RPS6KC1: variants seen among roughly 807,000 people sequenced by gnomAD.
RPS6KC1 encodes the protein ribosomal protein S6 kinase C1.
Under a neutral mutation model 103.8 loss-of-function variants are expected in RPS6KC1, and 54 were observed. The ratio of observed to expected loss-of-function variants is 0.52; its 90% CI spans 0.42 to 0.65. The LOEUF (loss-of-function observed/expected upper bound fraction) is 0.65, where lower values mean the gene tolerates loss of function less well. Ranked by LOEUF, RPS6KC1 falls within the 30% of genes least tolerant of loss-of-function variation. The pLI is 0.00. For missense variants in RPS6KC1, 1,151 were observed against 1,253.8 expected (o/e 0.92, Z 1.24); for synonymous variants, 439 against 438.7 (o/e 1.00, Z -0.01).
chr1:213,791,652 A>C, the RPS6KC1 span, among the ~76,000 whole-genome samples: 1 of 152,158 alleles, frequency 6.6e-6, no homozygotes, highest in Non-Finnish European at 1.5e-5. Context: ...CTGGAAATGA[A>C]ATTATTACTG....
chr1:213,209,993 C>T (rs73093616), intron 8 of RPS6KC1, among the ~76,000 whole-genome samples: 1,777 of 152,118 alleles, frequency 0.012, 37 homozygotes, highest in African/African-American at 0.041. Flanking sequence ...GTGCAGTGAG[C>T]GGTGAGGACG....
At position 213,272,633 on chromosome 1, in the gene RPS6KC1, G is replaced by T; in HGVS notation, c.3200G>T (p.Ter1067LeuextTer2). 6.2e-7 allele frequency: 1 copy of T among 1,600,874 alleles called. No homozygotes were observed. The highest frequency in any genetic ancestry group is 1.1e-5 in the South Asian group (1 of 90,754). Residue 1067 changes from the stop codon to leucine (L), a stop_lost, in exon 15 of 15, where the codon TGA (stop) becomes TTA (leucine). Coordinates refer to ENST00000366960, the MANE Select transcript of RPS6KC1 (RefSeq NM_012424.6). Reference protein sequence around the residue: ...TPVDWAELMR* With the variant: ...TPVDWAELMRL Reference sequence around the variant, plus strand: ...GTGGATTGGGCAGAACTGATGAGATGAACGTAATGCAGGGTTATCTTCACA... The same window carrying T: ...GTGGATTGGGCAGAACTGATGAGATTAACGTAATGCAGGGTTATCTTCACA...
the RPS6KC1 span, among the ~76,000 whole-genome samples, chr1:213,609,568 A>G: frequency 6.6e-6 from 1 of 151,966 alleles, no homozygotes; most frequent in African/African-American, 2.4e-5. Context: ...ATCCCCGGAA[A>G]TGGTTTAACA....
chr1:213,389,066 A>G, the RPS6KC1 span, among the ~76,000 whole-genome samples: 1 of 151,620 alleles, frequency 6.6e-6, no homozygotes, highest in Non-Finnish European at 1.5e-5. Context: ...TGGCTGGTGC[A>G]TGCCAAAGCT....
chr1:213,338,831 C>T, the RPS6KC1 span, among the ~76,000 whole-genome samples: 6 of 147,102 alleles, frequency 4.1e-5, no homozygotes, highest in South Asian at 2.1e-4. Context: ...CTTTGATCTT[C>T]GGGGCTCAAG....
At chr1:213,754,548 A>G in the RPS6KC1 span, among the ~76,000 whole-genome samples, 1 of 152,274 alleles carries the variant, frequency 6.6e-6, no homozygotes, top group Admixed American at 6.5e-5. Context: ...TTGTTTTAAA[A>G]GTGTGTAGCA....
the RPS6KC1 span, among the ~76,000 whole-genome samples, chr1:213,320,331 T>A: frequency 6.6e-6 from 1 of 152,194 alleles, no homozygotes; most frequent in Non-Finnish European, 1.5e-5. Flanking sequence ...TGAATGCAAA[T>A]TGCACCCACA....
At chr1:213,855,636 A>C in the RPS6KC1 span, among the ~76,000 whole-genome samples, 1 of 152,180 alleles carries the variant, frequency 6.6e-6, no homozygotes, top group South Asian at 2.1e-4. Context: ...TCTCTCTTGC[A>C]ACCTTTTTAG....
intron 1 of RPS6KC1, among the ~76,000 whole-genome samples, chr1:213,068,733 G>A (rs1161124327): frequency 2.0e-5 from 3 of 151,662 alleles, no homozygotes; most frequent in African/African-American, 7.3e-5. Flanking sequence ...TTTAAATTAA[G>A]GCTTACAGTG....
the RPS6KC1 span, chr1:213,841,097 C>T: frequency 6.6e-6 from 1 of 152,146 alleles, no homozygotes; most frequent in Non-Finnish European, 1.5e-5. Flanking sequence ...CTGATTGCTC[C>T]ACAGAGCCAT....
the RPS6KC1 span, among the ~76,000 whole-genome samples, chr1:213,430,853 G>A: frequency 6.6e-6 from 1 of 152,180 alleles, no homozygotes; most frequent in Non-Finnish European, 1.5e-5. Flanking sequence ...ACATTAAATG[G>A]CACTAATTCA....
the RPS6KC1 span, among the ~76,000 whole-genome samples, chr1:213,450,333 ATTTTTTT>A: frequency 1.4e-5 from 2 of 138,054 alleles, no homozygotes; most frequent in African/African-American, 2.6e-5. Context: ...GAGTTTGTAG[ATTTTTTT>A]TTTTTTTTTT....
chr1:213,155,328 A>G (rs1177590012), intron 6 of RPS6KC1, among the ~76,000 whole-genome samples: 1 of 152,124 alleles, frequency 6.6e-6, no homozygotes, highest in East Asian at 1.9e-4. Context: ...GGACTCGCCT[A>G]CAAGTTGCAG....
chr1:213,263,235 G>A (rs1405019762), intron 14 of RPS6KC1, among the ~76,000 whole-genome samples: 1 of 152,154 alleles, frequency 6.6e-6, no homozygotes, highest in Admixed American at 6.5e-5. Context: ...TTGCTTAGGA[G>A]AGACATATTA....
the RPS6KC1 span, among the ~76,000 whole-genome samples, chr1:213,447,431 A>T: frequency 6.6e-6 from 1 of 152,172 alleles, no homozygotes; most frequent in African/African-American, 2.4e-5. Flanking sequence ...GTAGCATATT[A>T]AAAAAAGAAA....
intron 8 of RPS6KC1, among the ~76,000 whole-genome samples, chr1:213,224,148 A>G (rs1486347104): frequency 6.6e-6 from 1 of 152,202 alleles, no homozygotes; most frequent in Non-Finnish European, 1.5e-5. Flanking sequence ...AATAATCATC[A>G]TTTGATACTT....
the RPS6KC1 span, among the ~76,000 whole-genome samples, chr1:213,517,594 C>G: frequency 6.6e-6 from 1 of 152,210 alleles, no homozygotes; most frequent in Admixed American, 6.5e-5. Flanking sequence ...GTCTGAGAGA[C>G]AGTTTGTTAT....
the RPS6KC1 span, among the ~76,000 whole-genome samples, chr1:213,595,803 C>A: frequency 1.3e-5 from 2 of 152,128 alleles, no homozygotes; most frequent in African/African-American, 4.8e-5. Flanking sequence ...TTTGATCTAC[C>A]AAAATGATAA....
At chr1:213,315,948 T>G in the RPS6KC1 span, among the ~76,000 whole-genome samples, 1 of 152,290 alleles carries the variant, frequency 6.6e-6, no homozygotes, top group Non-Finnish European at 1.5e-5. Flanking sequence ...TTCATTTATT[T>G]AAGAAATACT....
Sources: gnomAD v4.1 joint callset for allele counts (sites outside exome capture counted in the v4.1 genomes callset) on GRCh38, gnomAD v4.1.1 for gene constraint, MANE v1.5 for transcripts, NCBI Gene and HGNC (gene_info 2026-07-23, HGNC 2026-07-21) for gene names.